Variants in STXBP4 observed in about 807,000 individuals in gnomAD.
STXBP4 encodes the protein syntaxin binding protein 4.
STXBP4 carries 55 observed loss-of-function variants against 76.1 expected under a neutral mutation model. The observed-to-expected ratio is 0.72, with a 90% CI of 0.58 to 0.91. The LOEUF (loss-of-function observed/expected upper bound fraction) is 0.91. STXBP4 is among the 40% of genes least tolerant of loss of function. STXBP4 has a pLI of 0.00. For synonymous variants in STXBP4, 201 were observed against 220.2 expected, an observed-to-expected ratio of 0.91 and a Z score of 0.77; for missense variants, 618 against 636.9, an observed-to-expected ratio of 0.97 and a Z score of 0.32.
chr17:54,979,383 T>G lies in STXBP4; in HGVS notation c.-156-6231T>G, dbSNP rs547852279. ...TCAAGGAGTGCCCTATGTGTCCTTA[T>G]TGCTCTATCAGGAATCTGGTTACTT... is the stretch of plus-strand genomic sequence containing the variant. On this transcript the variant is annotated intron_variant, in intron 1 of 17. Transcript: ENST00000376352. Among the ~76,000 whole-genome samples the G allele has an allele frequency of 4.6e-5, 7 of 152,304 alleles. No individual in the cohort carries two copies. The South Asian group carries it at 1.2e-3, about 27-fold the overall frequency.
intron 17 of STXBP4, among the ~76,000 whole-genome samples, chr17:55,153,311 G>A (rs1489887469): frequency 6.6e-6 from 1 of 152,122 alleles, no homozygotes; most frequent in Non-Finnish European, 1.5e-5. Flanking sequence ...CACCATAATT[G>A]AAGGCTTTTC....
intron 7 of STXBP4, among the ~76,000 whole-genome samples, chr17:55,002,004 A>AT (rs1259276919): frequency 1.4e-4 from 22 of 152,278 alleles, no homozygotes; most frequent in African/African-American, 5.1e-4. Context: ...TTGGGGTGGT[A>AT]TTTACCAGTG....
At chr17:55,111,654 G>C (rs1420642276) in intron 16 of STXBP4, among the ~76,000 whole-genome samples, 1 of 152,160 alleles carries the variant, frequency 6.6e-6, no homozygotes, top group Non-Finnish European at 1.5e-5. Flanking sequence ...ACCTGCTCCT[G>C]CTTTGCCTTC....
intron 8 of STXBP4, among the ~76,000 whole-genome samples, chr17:55,013,837 T>C (rs2078155941): frequency 6.6e-6 from 1 of 152,152 alleles, no homozygotes; most frequent in South Asian, 2.1e-4. Context: ...AGTTGAGACA[T>C]TGGGTTCAAA....
At chr17:55,196,765 G>A in the STXBP4 span, among the ~76,000 whole-genome samples, 13 of 152,174 alleles carry the variant, frequency 8.5e-5, no homozygotes, top group Non-Finnish European at 1.6e-4. Context: ...ATGGATGAAT[G>A]TTCTAAGAAT....
chr17:54,975,271 A>G (rs575414177), intron 1 of STXBP4, among the ~76,000 whole-genome samples: 11 of 152,288 alleles, frequency 7.2e-5, no homozygotes, highest in African/African-American at 2.4e-4. Flanking sequence ...CCTGAGTAGT[A>G]GCTGGGATTA....
chr17:55,020,431 T>A (rs1341368074), intron 8 of STXBP4, among the ~76,000 whole-genome samples: 1 of 148,114 alleles, frequency 6.8e-6, no homozygotes, highest in Admixed American at 7.0e-5. Flanking sequence ...GTAGCTGCAG[T>A]CTTTGGCTGT....
At chr17:55,136,268 T>C (rs2080027677) in intron 16 of STXBP4, among the ~76,000 whole-genome samples, 1 of 152,108 alleles carries the variant, frequency 6.6e-6, no homozygotes, top group Non-Finnish European at 1.5e-5. Flanking sequence ...AAAACAGCAT[T>C]GCTGTCCTTT....
In STXBP4 at chr17:55,165,042, C is replaced by T. The variant is rs768110895; in HGVS notation, c.*5131C>T. On this transcript the variant is annotated 3_prime_UTR_variant, in exon 18 of 18. Transcript: ENST00000376352. The stretch of plus-strand genomic sequence containing the variant: ...ACTTTTTCCATTTATTTTCTTTCTC[C>T]GCATTCTTTATCAGATATTTGAACT... 7 of 152,114 alleles carry T rather than the reference C, an allele frequency of 4.6e-5. No individual in the cohort carries two copies. Among genetic ancestry groups the T allele is most frequent in the Non-Finnish European group, 7.4e-5 (5 of 68,018 alleles). The allele number at this position is 152,114 out of a possible 1,614,324, so 9.4% of individuals were successfully genotyped here. A position where few individuals can be genotyped will look rare whatever the true frequency, so the allele number is the denominator to read the frequency against.
intron 16 of STXBP4, among the ~76,000 whole-genome samples, chr17:55,128,999 G>T (rs564662249): frequency 1.4e-5 from 2 of 139,680 alleles, no homozygotes; most frequent in South Asian, 4.6e-4. Flanking sequence ...GCACAATCTT[G>T]GCTCACTGCA....
rs1230472327 is a variant in STXBP4, at chr17:55,072,900, G to A, written c.1012G>A (p.Glu338Lys). The change falls in exon 13 of 18, where the codon GAA becomes AAA. Residue 338 changes from glutamate (E) to lysine (K), a missense_variant and splice_region_variant. Physicochemically the swap from Glu to Lys is moderately conservative, Grantham distance 56 (BLOSUM62 1). Coordinates refer to ENST00000376352, the MANE Select transcript of STXBP4 (RefSeq NM_178509.6). ...LTEELQNVKQEAKAVVEETRA... is the reference protein window; with the variant it reads ...LTEELQNVKQKAKAVVEETRA... ...ATGACATTAATTTTGAAATCTTTAG[G>A]AAGCCAAAGCTGTAGTTGAAGAAAC... is the stretch of plus-strand genomic sequence containing the variant. The A allele has an allele frequency of 1.3e-6, 2 of 1,584,472 alleles. No individual in the cohort carries two copies. The highest frequency in any genetic ancestry group is 2.3e-5 in the South Asian group (2 of 85,374).
At chr17:55,052,998 AAG>A (rs1555573436) in intron 12 of STXBP4, among the ~76,000 whole-genome samples, 1 of 150,888 alleles carries the variant, frequency 6.6e-6, no homozygotes, top group Non-Finnish European at 1.5e-5. Context: ...AAAAAAAAAA[AAG>A]GTAATAAAAG....
At chr17:55,015,794 C>T (rs967250985) in intron 8 of STXBP4, among the ~76,000 whole-genome samples, 1 of 152,000 alleles carries the variant, frequency 6.6e-6, no homozygotes, top group Non-Finnish European at 1.5e-5. Flanking sequence ...TGAGGGCTTC[C>T]TGTAGGGCAT....
chr17:55,178,555 C>A (rs2080439084), downstream of STXBP4, among the ~76,000 whole-genome samples: 1 of 151,746 alleles, frequency 6.6e-6, no homozygotes, highest in Non-Finnish European at 1.5e-5. Context: ...CTGTATTAGT[C>A]AGAATTCTCC....
rs753482014 is a variant in STXBP4 at position 54,990,872 on chromosome 17, G to C, written c.95G>C (p.Gly32Ala). ...ACAATTGCCAAGGAAACAGGCCTTG[G>C]CCTGAAGGTACTAGGAGGAATTAAC... Reference protein sequence around the residue: ...MITIAKETGLGLKVLGGINRN... With the variant: ...MITIAKETGLALKVLGGINRN... The change falls in exon 4 of 18, where the codon GGC becomes GCC. Residue 32 changes from glycine to alanine, a missense_variant. Physicochemically the swap from Gly to Ala is moderately conservative, Grantham distance 60. Transcript: ENST00000376352. 6.2e-7 allele frequency: 1 copy of C among 1,604,322 alleles called. No homozygotes were observed. The highest frequency in any genetic ancestry group is 8.5e-7 in the Non-Finnish European group (1 of 1,176,866).
At chr17:55,117,976 G>C (rs2145079022) in intron 16 of STXBP4, among the ~76,000 whole-genome samples, 1 of 151,994 alleles carries the variant, frequency 6.6e-6, no homozygotes. Flanking sequence ...AAAGCTTACT[G>C]ATGTAATTAC....
chr17:55,191,169 G>T, the STXBP4 span, among the ~76,000 whole-genome samples: 1 of 152,128 alleles, frequency 6.6e-6, no homozygotes. Context: ...AGGGTAGATA[G>T]GTTCTTTCTA....
intron 8 of STXBP4, among the ~76,000 whole-genome samples, chr17:55,023,692 A>T (rs981695465): frequency 4.6e-5 from 7 of 152,010 alleles, no homozygotes; most frequent in African/African-American, 1.7e-4. Flanking sequence ...GGAAGGAAGA[A>T]AAAAAAGAAG....
At chr17:55,005,245 G>A (rs2077986687) in intron 7 of STXBP4, among the ~76,000 whole-genome samples, 1 of 152,134 alleles carries the variant, frequency 6.6e-6, no homozygotes, top group African/African-American at 2.4e-5. Context: ...CTTTATAGAT[G>A]AGCAAACTGA....
Sources: gnomAD v4.1 joint callset for allele counts (sites outside exome capture counted in the v4.1 genomes callset) on GRCh38, gnomAD v4.1.1 for gene constraint, MANE v1.5 for transcripts, NCBI Gene and HGNC (gene_info 2026-07-23, HGNC 2026-07-21) for gene names.